The following FCMR variants were observed in gnomAD, a reference collection of about 807,000 sequenced individuals.
FCMR encodes immunoglobulin mu Fc receptor.
In FCMR, 34 loss-of-function variants were observed where a neutral mutation model predicts 41.6. The observed-to-expected ratio is 0.82, with a 90% CI of 0.62 to 1.09. The LOEUF is 1.09. Ranked by LOEUF, FCMR falls within the 50% of genes least tolerant of loss-of-function variation. The pLI is 0.00. For missense variants in FCMR, 496 were observed against 512.5 expected, an observed-to-expected ratio of 0.97 and a Z score of 0.31; for synonymous variants, 209 against 211.8, an observed-to-expected ratio of 0.99 and a Z score of 0.12.
At position 206,910,350 on chromosome 1, in the gene FCMR, G is replaced by T; in HGVS notation, c.711-10C>A. The T allele has an allele frequency of 6.5e-7, 1 of 1,533,834 alleles. No individual in the cohort carries two copies. The highest frequency in any genetic ancestry group is 8.8e-7 in the Non-Finnish European group (1 of 1,139,774). On this transcript the variant is annotated splice_polypyrimidine_tract_variant and intron_variant, in intron 4 of 7. Transcript: ENST00000367091. The stretch of plus-strand genomic sequence containing the variant: ...GCCATAGTCCAGTGCTCTGGGGAGG[G>T]AAGGAAAGGGAGAGAGGGAGGAAGA...
intron 7 of FCMR, chr1:206,907,925 A>G (rs1377001871): frequency 1.6e-6 from 2 of 1,264,594 alleles, no homozygotes; most frequent in Non-Finnish European, 2.3e-6. Context: ...GACCACCTCA[A>G]GGTGTTTGAC....
At chr1:206,918,570 T>A (rs1039089686) in intron 1 of FCMR, among the ~76,000 whole-genome samples, 1 of 152,052 alleles carries the variant, frequency 6.6e-6, no homozygotes, top group Non-Finnish European at 1.5e-5. Context: ...CTTCACACAC[T>A]CTTCCGATGA....
At chr1:206,908,183 C>G (rs1420412915) in intron 7 of FCMR, 1 of 1,460,582 alleles carries the variant, frequency 6.8e-7, no homozygotes, top group South Asian at 1.2e-5. Flanking sequence ...GAGAAGAAAA[C>G]TGACAAATAC....
upstream of FCMR, chr1:206,922,143 A>C (rs1558007655): frequency 2.0e-6 from 1 of 499,652 alleles, no homozygotes; most frequent in African/African-American, 1.9e-5. Context: ...GTTCCTCCAG[A>C]CTATTAGCAG....
rs983723979 is a variant in FCMR at position 206,903,803 on chromosome 1, C to T, written c.*1216G>A. On this transcript the variant is annotated 3_prime_UTR_variant, in exon 8 of 8. Coordinates refer to ENST00000367091, the MANE Select transcript of FCMR (RefSeq NM_005449.5). ...GCTGACCTTGCTGATGGTGACATTG[C>T]ACCTGGATGTACTATCCAATCTGTG... 6.6e-6 allele frequency: 1 copy of T among 152,252 alleles called. No individual in the cohort carries two copies. The highest frequency in any genetic ancestry group is 2.4e-5 in the African/African-American group (1 of 41,396). The allele number at this position is 152,252 out of a possible 1,614,324, so 9.4% of individuals were successfully genotyped here.
upstream of FCMR, chr1:206,922,094 A>T (rs1044174897): frequency 8.7e-6 from 5 of 574,318 alleles, no homozygotes; most frequent in African/African-American, 1.9e-5. Flanking sequence ...TGTTGTGTGG[A>T]GTAAGAAAGG....
intron 2 of FCMR, 54 bp from the exon 3 acceptor site, chr1:206,913,096 G>T: frequency 7.3e-7 from 1 of 1,376,194 alleles, no homozygotes; most frequent in East Asian, 2.3e-5. Flanking sequence ...ACTGAGGCTT[G>T]GGTGTAAACT....
chr1:206,913,977 A>G lies in FCMR; in HGVS notation c.155T>C (p.Met52Thr). The G allele has an allele frequency of 6.2e-7, 1 of 1,614,134 alleles. No individual in the cohort carries two copies. Among genetic ancestry groups the G allele is most frequent in the Non-Finnish European group, 8.5e-7 (1 of 1,180,020 alleles). ...MHVRIYLCRE[M>T]AGSGTCGTVV... is the part of the protein sequence containing the mutation. ...GGTACCACATGTTCCAGATCCAGCC[A>G]TCTCCCGGCACAGATATATCCTCAC... is the stretch of plus-strand genomic sequence containing the variant. The change falls in exon 2 of 8, where the codon ATG becomes ACG. Residue 52 changes from methionine (M) to threonine (T), a missense_variant. By Grantham distance (81) the Met-to-Thr change is moderately conservative (BLOSUM62 -1). Transcript: ENST00000367091.
At chr1:206,913,145 G>A (rs1232715463) in intron 2 of FCMR, 103 bp from the exon 3 acceptor site, 4 of 863,642 alleles carry the variant, frequency 4.6e-6, no homozygotes, top group Non-Finnish European at 5.9e-6. Context: ...GTGAGGGGAT[G>A]AGGGCAGGGT....
chr1:206,909,565 G>A lies in FCMR; in HGVS notation c.986-45C>T. On this transcript the variant is annotated intron_variant, in intron 6 of 7. Transcript: ENST00000367091. The surrounding 1 kb of genome is among the most constrained non-coding windows in gnomAD (Gnocchi z 5.0). ...AGGTGAGGCGGCGGCCGAGGCTCCC[G>A]CCCCACCGTCATGCTACTACTCCCA... is the stretch of plus-strand genomic sequence containing the variant. The A allele has an allele frequency of 1.5e-6, 2 of 1,290,390 alleles. No homozygotes were observed. The highest frequency in any genetic ancestry group is 3.2e-5 in the East Asian group (1 of 31,714). The allele number at this position is 1,290,390 out of a possible 1,614,324, so 79.9% of individuals were successfully genotyped here.
At position 206,909,781 on chromosome 1, in the gene FCMR, G is replaced by A; in HGVS notation, c.929C>T (p.Ser310Phe). 6.9e-7 allele frequency: 1 copy of A among 1,457,470 alleles called. No individual in the cohort carries two copies. Among genetic ancestry groups the A allele is most frequent in the South Asian group, 1.4e-5 (1 of 73,342 alleles). The allele number at this position is 1,457,470 out of a possible 1,614,324, so 90.3% of individuals were successfully genotyped here. A position where few individuals can be genotyped will look rare whatever the true frequency, so the allele number is the denominator to read the frequency against. The change falls in exon 6 of 8, where the codon TCC becomes TTC. Residue 310 changes from serine to phenylalanine, a missense_variant. Transcript: ENST00000367091. The surrounding 1 kb of genome is among the most constrained non-coding windows in gnomAD (Gnocchi z 5.0). ...GCAGGCGCTGTAGATGTTGTTTTGG[G>A]AGCGCGGTCGCGGCGACCCGCGGGG... ...QRPRGSPRPR[S>F]QNNIYSACPR...
intron 7 of FCMR, among the ~76,000 whole-genome samples, chr1:206,907,223 C>T (rs906797567): frequency 6.6e-6 from 1 of 151,150 alleles, no homozygotes; most frequent in South Asian, 2.1e-4. Flanking sequence ...TCTCAGCCTG[C>T]CTTGAAGGGA....
rs1678485343 is a variant in FCMR, at chr1:206,903,539, G to GA, written c.*1479dup. 6.2e-6 allele frequency: 1 copy of GA among 161,466 alleles called. No homozygotes were observed. Among genetic ancestry groups the GA allele is most frequent in the Admixed American group, 5.9e-5 (1 of 17,040 alleles). 10.0% of individuals were successfully genotyped at this position (161,466 alleles called of 1,614,324 possible). On this transcript the variant is annotated 3_prime_UTR_variant, in exon 8 of 8. Coordinates refer to ENST00000367091, the MANE Select transcript of FCMR (RefSeq NM_005449.5). Reference sequence around the variant, plus strand: ...GATGTAAAACTGAACTTCAGAGCATGAAAATCACACTGTCTTCTGATATCT... The same window carrying GA: ...GATGTAAAACTGAACTTCAGAGCATGAAAAATCACACTGTCTTCTGATATCT...
intron 1 of FCMR, among the ~76,000 whole-genome samples, chr1:206,915,673 G>A (rs1396670751): frequency 1.3e-5 from 2 of 152,194 alleles, no homozygotes; most frequent in Admixed American, 1.3e-4. Flanking sequence ...GTAAAGTTGT[G>A]TGTGTGTGGC....
At chr1:206,907,867 G>T in intron 7 of FCMR, 1 of 1,343,406 alleles carries the variant, frequency 7.4e-7, no homozygotes, top group Admixed American at 1.7e-5. Flanking sequence ...TGTGGCACAA[G>T]TACGAGGCTT....
chr1:206,918,044 T>C (rs973849353), intron 1 of FCMR, among the ~76,000 whole-genome samples: 1 of 152,196 alleles, frequency 6.6e-6, no homozygotes, highest in African/African-American at 2.4e-5. Flanking sequence ...TACCTCCCAA[T>C]TTCTCTTCAA....
At position 206,904,905 on chromosome 1, in the gene FCMR, G is replaced by A. The variant is rs370824821; in HGVS notation, c.*114C>T. 8.9e-7 allele frequency: 1 copy of A among 1,118,074 alleles called. No individual in the cohort carries two copies. Among genetic ancestry groups the A allele is most frequent in the Admixed American group, 1.7e-5 (1 of 57,408 alleles). The allele number at this position is 1,118,074 out of a possible 1,614,324, so 69.3% of individuals were successfully genotyped here. A position where few individuals can be genotyped will look rare whatever the true frequency, so the allele number is the denominator to read the frequency against. ...GGGGATGGGAGTCGAGATGGGGCAT[G>A]GGAAGTGATGAGGGCTCTGAGAACA... On this transcript the variant is annotated 3_prime_UTR_variant, in exon 8 of 8. Transcript: ENST00000367091.
rs1297953479 is a variant in FCMR, at chr1:206,921,872, A to T, written c.-18T>A. The T allele has an allele frequency of 1.9e-6, 3 of 1,613,672 alleles. No individual in the cohort carries two copies. The African/African-American group carries it at 4.0e-5, about 22-fold the overall frequency. On this transcript the variant is annotated 5_prime_UTR_variant, in exon 1 of 8. Transcript: ENST00000367091. ...AAGTCCATTGTCCCTTCTAGAGTGC[A>T]AGGTCCATCCAAGAGCCCCTAGAGA...
At chr1:206,915,855 GT>G (rs1200464195) in intron 1 of FCMR, among the ~76,000 whole-genome samples, 1 of 152,148 alleles carries the variant, frequency 6.6e-6, no homozygotes, top group Non-Finnish European at 1.5e-5. Context: ...GCACTATCGA[GT>G]TTAGTCAAAC....
Sources: gnomAD v4.1 joint callset for allele counts (sites outside exome capture counted in the v4.1 genomes callset) on GRCh38, gnomAD v4.1.1 for gene constraint, Gnocchi (gnomAD v3.1) non-coding constraint, MANE v1.5 for transcripts, NCBI Gene and HGNC (gene_info 2026-07-23, HGNC 2026-07-21) for gene names.